The following HELQ variants were observed in gnomAD, a reference collection of about 807,000 sequenced individuals.
The protein encoded by HELQ is helicase, POLQ like.
A neutral mutation model predicts 111.6 loss-of-function variants in HELQ; 77 were observed. The ratio of observed to expected loss-of-function variants is 0.69; its 90% CI spans 0.57 to 0.83. The LOEUF (loss-of-function observed/expected upper bound fraction) is 0.83. Among genes scored for constraint, HELQ ranks in the 40% least tolerant of loss-of-function variants. The pLI, the probability that HELQ is intolerant of heterozygous loss-of-function variation, is 0.00. For missense variants in HELQ, 1,200 were observed against 1,288.5 expected (o/e 0.93, Z 1.05); for synonymous variants, 438 against 454.7 (o/e 0.96, Z 0.47).
At chr4:83,446,140 T>C in intron 4 of HELQ, 54 bp from the exon 5 acceptor site, 4 of 1,150,368 alleles carry the variant, frequency 3.5e-6, no homozygotes, top group Non-Finnish European at 3.9e-6. Context: ...ATAGTGCTCA[T>C]ATAAAACATG....
chr4:83,452,436 G>A (rs571273968), intron 2 of HELQ, among the ~76,000 whole-genome samples: 1 of 152,330 alleles, frequency 6.6e-6, no homozygotes, highest in East Asian at 1.9e-4. Context: ...AGAGCATCTG[G>A]GTGGTGGCAG....
At chr4:83,454,181 C>T (rs529754861) in intron 1 of HELQ, among the ~76,000 whole-genome samples, 75 of 152,190 alleles carry the variant, frequency 4.9e-4, no homozygotes, top group South Asian at 2.1e-3. Flanking sequence ...CCAACCTGGG[C>T]AACAGAGTGG....
chr4:83,410,449 G>T (rs757597626), intron 17 of HELQ, among the ~76,000 whole-genome samples: 2 of 151,878 alleles, frequency 1.3e-5, no homozygotes, highest in African/African-American at 2.4e-5. Context: ...CTGAATGTTT[G>T]TTTTTTTTGG....
chr4:83,437,139 T>C lies in HELQ; in HGVS notation c.1809-42A>G, dbSNP rs760849414. ...TTAGAAATATGAGCCCTTGATCTTT[T>C]AGTGACAAAATTTCTACCATTTTCA... is the stretch of plus-strand genomic sequence containing the variant. On this transcript the variant is annotated intron_variant, in intron 8 of 17. Transcript: ENST00000295488. 1.1e-5 allele frequency: 17 copies of C among 1,578,936 alleles called. No individual in the cohort carries two copies. In the East Asian group the frequency reaches 2.7e-4, roughly 25 times the overall value.
intron 17 of HELQ, 93 bp downstream of exon 17, chr4:83,416,638 T>A: frequency 1.7e-6 from 2 of 1,194,634 alleles, no homozygotes. Flanking sequence ...TAAACAGTTA[T>A]GCAATGTGAA....
intron 14 of HELQ, among the ~76,000 whole-genome samples, chr4:83,422,845 A>G (rs1172543194): frequency 4.6e-5 from 7 of 152,238 alleles, no homozygotes; most frequent in African/African-American, 7.2e-5. Context: ...TGTGATTATT[A>G]TTATAAATTA....
intron 2 of HELQ, among the ~76,000 whole-genome samples, chr4:83,451,952 A>G (rs538835718): frequency 6.6e-6 from 1 of 152,230 alleles, no homozygotes; most frequent in Admixed American, 6.5e-5. Context: ...CCAAGTTTTC[A>G]TATCATTCAT....
chr4:83,446,081 G>A lies in HELQ; in HGVS notation c.1398C>T (p.His466=), dbSNP rs1721029981. The A allele has an allele frequency of 6.2e-7, 1 of 1,612,108 alleles. No homozygotes were observed. Among genetic ancestry groups the A allele is most frequent in the African/African-American group, 1.3e-5 (1 of 74,950 alleles). ...CTCCACGGCTTCCTTCACCAATCAT[G>A]TGCAACTTCGAGATTTTTTTTAAAA... ...SLGLVVVDEL[H]MIGEGSRGAT... is the part of the protein sequence containing the mutation. Residue 466 remains histidine (H), a synonymous_variant, in exon 5 of 18, where the codon CAC becomes CAT. Coordinates refer to ENST00000295488, the MANE Select transcript of HELQ (RefSeq NM_133636.5).
Position 83,416,721 on chromosome 4 carries a change from G to C in HELQ, c.3198+10C>G. ...GATTATTAAGGTTAAAAAATGGTTT[G>C]TTTGCTTACCTTTGCTGATGAAACA... On this transcript the variant is annotated intron_variant, in intron 17 of 17. Coordinates refer to ENST00000295488, the MANE Select transcript of HELQ (RefSeq NM_133636.5). 6.2e-7 allele frequency: 1 copy of C among 1,610,452 alleles called. No homozygotes were observed. The highest frequency in any genetic ancestry group is 1.3e-5 in the African/African-American group (1 of 74,796).
At chr4:83,421,832 A>C in intron 14 of HELQ, 96 bp from the exon 15 acceptor site, 1 of 850,938 alleles carries the variant, frequency 1.2e-6, no homozygotes. Flanking sequence ...TGTATTACAG[A>C]ATAGCAAGGA....
intron 11 of HELQ, 36 bp downstream of exon 11, chr4:83,431,628 A>ATC (rs1310306097): frequency 9.3e-7 from 1 of 1,079,826 alleles, no homozygotes; most frequent in East Asian, 2.7e-5. Flanking sequence ...ATTGTCTCAG[A>ATC]TAACAGTAAT....
intron 1 of HELQ, 31 bp downstream of exon 1, chr4:83,455,366 T>A (rs772322101): frequency 6.3e-7 from 1 of 1,599,002 alleles, no homozygotes. Flanking sequence ...ATGCCAAAAG[T>A]TTGCAGTTTC....
At chr4:83,445,613 T>C (rs1721008661) in intron 5 of HELQ, among the ~76,000 whole-genome samples, 1 of 152,274 alleles carries the variant, frequency 6.6e-6, no homozygotes, top group South Asian at 2.1e-4. Context: ...TGTATTATTA[T>C]GGTGATGATG....
intron 15 of HELQ, among the ~76,000 whole-genome samples, chr4:83,420,898 A>G (rs1041670050): frequency 1.3e-5 from 2 of 151,224 alleles, no homozygotes; most frequent in Admixed American, 1.3e-4. Context: ...GGATTACACC[A>G]CTACACTCCA....
At chr4:83,425,430 T>C (rs1719797050) in intron 14 of HELQ, among the ~76,000 whole-genome samples, 1 of 152,222 alleles carries the variant, frequency 6.6e-6, no homozygotes, top group South Asian at 2.1e-4. Flanking sequence ...GGTATGGTTA[T>C]GAAAGAATTA....
rs1194820854 is a variant in HELQ, at chr4:83,453,535, G to C, written c.708C>G (p.Pro236=). Residue 236 remains proline (P), a synonymous_variant, in exon 2 of 18, where the codon CCC becomes CCG. Transcript: ENST00000295488. The stretch of plus-strand genomic sequence containing the variant: ...GCTGGGGTTGCTCTATGCAATTATG[G>C]GGCAGTTCCTCATTCACAGTGTTGT... The part of the protein sequence containing the change: ...SSHNTVNEEL[P]HNCIEQPQQN... 1 of 1,613,694 alleles carries C rather than the reference G, an allele frequency of 6.2e-7. No homozygotes were observed. Among genetic ancestry groups the C allele is most frequent in the Admixed American group, 1.7e-5 (1 of 59,936 alleles).
In HELQ at chr4:83,455,394, T is replaced by C; in HGVS notation, c.297+3A>G. 1 of 1,609,170 alleles carries C rather than the reference T, an allele frequency of 6.2e-7. No individual in the cohort carries two copies. Among genetic ancestry groups the C allele is most frequent in the South Asian group, 1.1e-5 (1 of 91,022 alleles). ...GCAGTTTCAAGTTCCAAGTCCTCCG[T>C]ACCTGGTCTCCCACCCCTCTGTCAG... On this transcript the variant is annotated splice_donor_region_variant and intron_variant, in intron 1 of 17. Transcript: ENST00000295488.
intron 17 of HELQ, among the ~76,000 whole-genome samples, chr4:83,412,760 G>C (rs926163901): frequency 6.6e-6 from 1 of 152,092 alleles, no homozygotes; most frequent in Non-Finnish European, 1.5e-5. Context: ...GGAGGGGAAG[G>C]CTGCAGTGAT....
At chr4:83,431,232 A>G (rs1720129231) in intron 11 of HELQ, among the ~76,000 whole-genome samples, 1 of 152,080 alleles carries the variant, frequency 6.6e-6, no homozygotes, top group African/African-American at 2.4e-5. Context: ...TCTAACCAAC[A>G]TAGCAAGACC....
Sources: allele counts gnomAD v4.1 joint callset (sites outside exome capture counted in the v4.1 genomes callset), GRCh38; gene constraint gnomAD v4.1.1; transcripts MANE v1.5; gene names NCBI Gene and HGNC (gene_info 2026-07-23, HGNC 2026-07-21).